FOXP2: variants seen among roughly 807,000 people sequenced by gnomAD.
FOXP2 encodes the protein forkhead box P2, also known as forkhead box protein P2.
Under a neutral mutation model 115.8 loss-of-function variants are expected in FOXP2, and 12 were observed. That is an observed-to-expected ratio of 0.10 (90% CI 0.07 to 0.17). FOXP2 has a LOEUF of 0.17. Ranked by LOEUF, FOXP2 falls within the 10% of genes least tolerant of loss-of-function variation. The pLI, the probability that FOXP2 is intolerant of heterozygous loss-of-function variation, is 1.00. For missense variants in FOXP2, 629 were observed against 843.5 expected (o/e 0.75, Z 3.15); for synonymous variants, 328 against 297.7 (o/e 1.10, Z -1.05).
chr7:114,503,675 A>G (rs891065387), intron 2 of FOXP2, among the ~76,000 whole-genome samples: 1 of 151,104 alleles, frequency 6.6e-6, no homozygotes, highest in African/African-American at 2.4e-5. Flanking sequence ...AAATAAGCCA[A>G]ATTAATCCAC....
At chr7:114,585,923 G>A (rs575624155) in intron 3 of FOXP2, among the ~76,000 whole-genome samples, 98 of 152,218 alleles carry the variant, frequency 6.4e-4, no homozygotes, top group African/African-American at 2.1e-3. Flanking sequence ...ATTATTAAAA[G>A]TCTGAGGAGA....
In FOXP2 at chr7:114,664,268, A is replaced by C; in HGVS notation, c.1840-5A>C. On this transcript the variant is annotated splice_region_variant and splice_polypyrimidine_tract_variant and intron_variant, in intron 15 of 16. Coordinates refer to ENST00000350908, the MANE Select transcript of FOXP2 (RefSeq NM_014491.4). The stretch of plus-strand genomic sequence containing the variant: ...AGTTGTTTTACACAATCTTCATTTC[A>C]CTAGGCTGCCTTGGCAGAGAGCAGT... 6.2e-7 allele frequency: 1 copy of C among 1,612,724 alleles called. No individual in the cohort carries two copies. The highest frequency in any genetic ancestry group is 8.5e-7 in the Non-Finnish European group (1 of 1,179,532).
rs567975061 is a variant in FOXP2 at position 114,101,706 on chromosome 7, C to G, written c.-247+13868C>G. Among the ~76,000 whole-genome samples, 13 of 152,058 alleles carry G rather than the reference C, an allele frequency of 8.5e-5. No individual in the cohort carries two copies. In the South Asian group the frequency reaches 2.7e-3, roughly 32 times the overall value. On this transcript the variant is annotated intron_variant, in intron 1 of 19. Coordinates refer to the FOXP2 transcript ENST00000635638. Reference sequence around the variant, plus strand: ...CATTTGCCCTTCTTATGTATTATGTCTGTTTTCCTCTATTTTGTAACTCTT... The same window carrying G: ...CATTTGCCCTTCTTATGTATTATGTGTGTTTTCCTCTATTTTGTAACTCTT...
chr7:114,440,514 A>G (rs1794552869), intron 2 of FOXP2, among the ~76,000 whole-genome samples: 1 of 152,156 alleles, frequency 6.6e-6, no homozygotes, highest in Non-Finnish European at 1.5e-5. Flanking sequence ...TGAAAGCCTT[A>G]AAGTTATTGG....
At position 114,690,202 on chromosome 7, in the gene FOXP2, A is replaced by G. The variant is rs531205756; in HGVS notation, c.*276A>G. 3.4e-4 allele frequency: 170 copies of G among 503,064 alleles called. No homozygotes were observed. Among genetic ancestry groups the G allele is most frequent in the African/African-American group, 3.1e-3 (158 of 51,352 alleles). 31.2% of individuals were successfully genotyped at this position (503,064 alleles called of 1,614,324 possible). ...AAAAAAAAAATGAACTGTTCTTTCT[A>G]TAATGGCTTTGCCCATTTAAAAAAT... On this transcript the variant is annotated 3_prime_UTR_variant, in exon 17 of 17. Coordinates refer to ENST00000350908, the MANE Select transcript of FOXP2 (RefSeq NM_014491.4).
At chr7:114,291,159 A>G (rs572761215) in intron 2 of FOXP2, among the ~76,000 whole-genome samples, 1 of 152,284 alleles carries the variant, frequency 6.6e-6, no homozygotes, top group South Asian at 2.1e-4. Flanking sequence ...GGGTGCTGGA[A>G]GATTAAGTTC....
chr7:114,107,513 C>T (rs2129141638), intron 1 of FOXP2, among the ~76,000 whole-genome samples: 1 of 151,980 alleles, frequency 6.6e-6, no homozygotes, highest in East Asian at 1.9e-4. Flanking sequence ...TCATGTCTCT[C>T]CCCTCCCCTT....
chr7:114,371,863 G>A (rs1032650563), intron 2 of FOXP2, among the ~76,000 whole-genome samples: 6 of 151,992 alleles, frequency 3.9e-5, no homozygotes, highest in African/African-American at 7.2e-5. Flanking sequence ...ATTGTGGACC[G>A]TTAGGCAATA....
chr7:114,679,116 C>T (rs1807936970), intron 16 of FOXP2, among the ~76,000 whole-genome samples: 1 of 152,132 alleles, frequency 6.6e-6, no homozygotes, highest in African/African-American at 2.4e-5. Flanking sequence ...AGGCACCCGC[C>T]ACCATGCCCG....
chr7:114,194,753 A>G (rs1039769783), intron 1 of FOXP2, among the ~76,000 whole-genome samples: 1 of 152,136 alleles, frequency 6.6e-6, no homozygotes, highest in African/African-American at 2.4e-5. Flanking sequence ...CTAACTGTAT[A>G]CAAAATATAA....
chr7:114,143,147 C>CAATAATAATAATAATAAT (rs77761140), intron 1 of FOXP2, among the ~76,000 whole-genome samples: 1 of 139,552 alleles, frequency 7.2e-6, no homozygotes, highest in South Asian at 2.4e-4. Flanking sequence ...GACCCTGTCT[C>CAATAATAATAATAATAAT]AATAATAATA....
chr7:114,369,602 A>T (rs995425018), intron 2 of FOXP2, among the ~76,000 whole-genome samples: 1 of 152,142 alleles, frequency 6.6e-6, no homozygotes, highest in Non-Finnish European at 1.5e-5. Context: ...CTCTCCTTTA[A>T]AACAGTCATG....
intron 1 of FOXP2, among the ~76,000 whole-genome samples, chr7:114,169,657 G>A (rs1793083611): frequency 2.6e-5 from 4 of 152,122 alleles, no homozygotes; most frequent in Admixed American, 2.6e-4. Context: ...GGGAAGGCAT[G>A]ATTGGTTTTA....
At chr7:114,290,272 A>G (rs550809411) in intron 2 of FOXP2, among the ~76,000 whole-genome samples, 3 of 152,084 alleles carry the variant, frequency 2.0e-5, no homozygotes, top group South Asian at 2.1e-4. Flanking sequence ...CCTGCCCTAC[A>G]TAATACTTAT....
At chr7:114,596,680 C>G (rs1802727755) in intron 3 of FOXP2, among the ~76,000 whole-genome samples, 1 of 152,100 alleles carries the variant, frequency 6.6e-6, no homozygotes, top group South Asian at 2.1e-4. Flanking sequence ...CCATTTTCTT[C>G]TTGCCATTAA....
intron 2 of FOXP2, among the ~76,000 whole-genome samples, chr7:114,322,696 A>G (rs1375006724): frequency 1.3e-5 from 2 of 152,186 alleles, no homozygotes; most frequent in African/African-American, 4.8e-5. Context: ...TTCTAAGGCT[A>G]GAGTCCACAT....
intron 2 of FOXP2, among the ~76,000 whole-genome samples, chr7:114,474,031 C>A (rs1463591007): frequency 1.3e-5 from 2 of 152,146 alleles, no homozygotes; most frequent in East Asian, 1.9e-4. Flanking sequence ...ATTTTCACCA[C>A]CCTTCTTTAA....
chr7:114,290,609 A>G (rs1466465681), intron 2 of FOXP2, among the ~76,000 whole-genome samples: 1 of 152,096 alleles, frequency 6.6e-6, no homozygotes, highest in Non-Finnish European at 1.5e-5. Context: ...TTTGGCAGAC[A>G]GGGTGTTGGG....
chr7:114,244,312 G>T (rs779623895), intron 1 of FOXP2, among the ~76,000 whole-genome samples: 1 of 151,778 alleles, frequency 6.6e-6, no homozygotes, highest in Non-Finnish European at 1.5e-5. Flanking sequence ...TTTATTCACA[G>T]TTTGTTACCT....
Sources: gnomAD v4.1 joint callset for allele counts (sites outside exome capture counted in the v4.1 genomes callset) on GRCh38, gnomAD v4.1.1 for gene constraint, MANE v1.5 for transcripts, NCBI Gene and HGNC (gene_info 2026-07-23, HGNC 2026-07-21) for gene names.